MAD1L1: variants seen among roughly 807,000 people sequenced by gnomAD.
The protein encoded by MAD1L1 is mitotic arrest deficient 1 like 1.
MAD1L1 carries 95 observed loss-of-function variants against 96.9 expected under a neutral mutation model. The observed-to-expected ratio is 0.98, with a 90% confidence interval of 0.83 to 1.16. The LOEUF is 1.16. Ranked by LOEUF, MAD1L1 falls within the 50% of genes most tolerant of loss-of-function variation. The probability of loss-of-function intolerance (pLI) is 0.00; values close to 1 mark genes in which losing one functional copy is unlikely to be tolerated. For synonymous variants in MAD1L1, 473 were observed against 396.6 expected, an observed-to-expected ratio of 1.19 and a Z score of -2.29; for missense variants, 1,007 against 954.4, an observed-to-expected ratio of 1.06 and a Z score of -0.73.
chr7:2,001,617 C>T (rs1032467035), intron 14 of MAD1L1, among the ~76,000 whole-genome samples: 9 of 152,254 alleles, frequency 5.9e-5, no homozygotes, highest in African/African-American at 1.9e-4. Flanking sequence ...ACGTCCCTCT[C>T]CTGGTCAGGA....
intron 11 of MAD1L1, among the ~76,000 whole-genome samples, chr7:2,081,749 C>T (rs1269971529): frequency 1.3e-5 from 2 of 152,182 alleles, no homozygotes; most frequent in African/African-American, 4.8e-5. Context: ...GAGCTAAGTG[C>T]GAGGGAGAAA....
chr7:2,197,068 GCAGGACGCGGTCCAAACCACCCT>G (rs1792027184), intron 10 of MAD1L1, among the ~76,000 whole-genome samples: 1 of 152,212 alleles, frequency 6.6e-6, no homozygotes, highest in African/African-American at 2.4e-5. Context: ...CCTGTGACCT[GCAGGACGCGGTCCAAACCACCCT>G]CAGGACAGGA....
chr7:1,902,852 C>T (rs777855631), intron 17 of MAD1L1, among the ~76,000 whole-genome samples: 5 of 149,280 alleles, frequency 3.3e-5, no homozygotes, highest in African/African-American at 7.7e-5. Context: ...ATGGAAGACG[C>T]TCTTGCGGAA....
intron 17 of MAD1L1, among the ~76,000 whole-genome samples, chr7:1,903,758 G>A (rs1787428618): frequency 4.8e-5 from 7 of 144,332 alleles, no homozygotes; most frequent in Admixed American, 3.4e-4. Context: ...CGCTCTTGCA[G>A]AATTCATGAT....
chr7:1,973,054 T>A (rs1780474806), intron 15 of MAD1L1, among the ~76,000 whole-genome samples: 1 of 152,206 alleles, frequency 6.6e-6, no homozygotes, highest in Non-Finnish European at 1.5e-5. Flanking sequence ...TACTGGGGTC[T>A]CTTTGATGAC....
At chr7:2,228,304 C>A (rs1007287544) in intron 3 of MAD1L1, among the ~76,000 whole-genome samples, 3 of 152,182 alleles carry the variant, frequency 2.0e-5, no homozygotes, top group African/African-American at 7.2e-5. Context: ...CTCTGTCACC[C>A]GGGCTGGAGT....
intron 12 of MAD1L1, among the ~76,000 whole-genome samples, chr7:2,048,773 C>T (rs900343906): frequency 1.3e-5 from 2 of 152,236 alleles, no homozygotes; most frequent in African/African-American, 4.8e-5. Flanking sequence ...CTGTGCCACA[C>T]CCCTCCAGCT....
At chr7:2,164,587 G>A (rs1158092649) in intron 10 of MAD1L1, among the ~76,000 whole-genome samples, 1 of 49,870 alleles carries the variant, frequency 2.0e-5, no homozygotes, top group Non-Finnish European at 3.9e-5. Context: ...TAAGAAGCAG[G>A]AAAAATGGGG....
At chr7:2,070,163 G>C (rs1785056578) in intron 11 of MAD1L1, among the ~76,000 whole-genome samples, 1 of 152,226 alleles carries the variant, frequency 6.6e-6, no homozygotes, top group South Asian at 2.1e-4. Flanking sequence ...TTTGGATCTT[G>C]CCCCTCTCTC....
chr7:2,140,535 A>G (rs893455997), intron 11 of MAD1L1, among the ~76,000 whole-genome samples: 65 of 152,246 alleles, frequency 4.3e-4, no homozygotes, highest in African/African-American at 1.5e-3. Context: ...TCCCTGGCTT[A>G]GCCACTTCCA....
At chr7:2,204,917 G>A (rs1291920763) in intron 10 of MAD1L1, among the ~76,000 whole-genome samples, 1 of 152,182 alleles carries the variant, frequency 6.6e-6, no homozygotes, top group Non-Finnish European at 1.5e-5. Context: ...TGGCTGCTCT[G>A]CATCTCTGCC....
chr7:1,928,712 C>T (rs990994977), intron 17 of MAD1L1, among the ~76,000 whole-genome samples: 1 of 152,228 alleles, frequency 6.6e-6, no homozygotes, highest in Admixed American at 6.5e-5. Flanking sequence ...CAAACAGAGG[C>T]GTGGGCAGGT....
At chr7:1,907,021 C>T (rs954974207) in intron 17 of MAD1L1, among the ~76,000 whole-genome samples, 1 of 152,230 alleles carries the variant, frequency 6.6e-6, no homozygotes, top group Non-Finnish European at 1.5e-5. Context: ...GCCACTGCCC[C>T]GCCCCCAAGC....
chr7:2,025,795 T>C (rs1782971079), intron 12 of MAD1L1, among the ~76,000 whole-genome samples: 1 of 152,206 alleles, frequency 6.6e-6, no homozygotes, highest in South Asian at 2.1e-4. Flanking sequence ...AAGTATTAAT[T>C]TTATTAGACT....
chr7:2,045,018 G>A (rs1477793017), intron 12 of MAD1L1, among the ~76,000 whole-genome samples: 4 of 152,182 alleles, frequency 2.6e-5, no homozygotes, highest in East Asian at 1.9e-4. Flanking sequence ...CAAGCCACAC[G>A]GCCGCAGAGG....
intron 11 of MAD1L1, among the ~76,000 whole-genome samples, chr7:2,127,950 C>CCT (rs1165273644): frequency 2.0e-5 from 3 of 152,186 alleles, no homozygotes; most frequent in African/African-American, 4.8e-5. Context: ...TCTGCTCGCA[C>CCT]CTGAGAGATT....
chr7:2,164,601 G>C (rs3779010), intron 10 of MAD1L1, among the ~76,000 whole-genome samples: 1 of 134,144 alleles, frequency 7.5e-6, no homozygotes, highest in Non-Finnish European at 1.7e-5. Context: ...AATGGGGGGG[G>C]GGGGGGTTGC....
At chr7:1,844,722 G>T (rs76093871) in intron 18 of MAD1L1, among the ~76,000 whole-genome samples, 1 of 152,210 alleles carries the variant, frequency 6.6e-6, no homozygotes, top group Non-Finnish European at 1.5e-5. Context: ...GGCACAGGCC[G>T]GGCACTGACA....
chr7:1,886,892 T>C (rs573990148), intron 18 of MAD1L1, among the ~76,000 whole-genome samples: 1 of 152,384 alleles, frequency 6.6e-6, no homozygotes, highest in Admixed American at 6.5e-5. Flanking sequence ...AGTTGGGGTG[T>C]GCAGCCGGAC....
Sources: allele counts gnomAD v4.1 joint callset (sites outside exome capture counted in the v4.1 genomes callset), GRCh38; gene constraint gnomAD v4.1.1; transcripts MANE v1.5; gene names NCBI Gene and HGNC (gene_info 2026-07-23, HGNC 2026-07-21).